Variants in BOC observed in about 807,000 individuals in gnomAD.
The protein encoded by BOC is brother of CDO.
Under a neutral mutation model 112.0 loss-of-function variants are expected in BOC, and 76 were observed. That is an observed-to-expected ratio of 0.68 (90% confidence interval 0.56 to 0.82). The LOEUF is 0.82. Ranked by LOEUF, BOC falls within the 40% of genes least tolerant of loss-of-function variation. BOC has a pLI of 0.00. For missense variants in BOC, 1,309 were observed against 1,511.7 expected (o/e 0.87, Z 2.22); for synonymous variants, 580 against 599.8 (o/e 0.97, Z 0.48).
chr3:113,283,962 G>A (rs1182062768), intron 16 of BOC, among the ~76,000 whole-genome samples: 2 of 152,042 alleles, frequency 1.3e-5, no homozygotes, highest in African/African-American at 4.8e-5. Context: ...GTGCGGAGCT[G>A]CCTTCAGCTT....
chr3:113,234,458 C>T (rs531208825), intron 2 of BOC, among the ~76,000 whole-genome samples: 1 of 152,310 alleles, frequency 6.6e-6, no homozygotes, highest in South Asian at 2.1e-4. Flanking sequence ...GGCTCCCTGC[C>T]TGTTCTTAAT....
chr3:113,269,969 T>G (rs1202400597), intron 5 of BOC: 4 of 152,416 alleles, frequency 2.6e-5, no homozygotes, highest in African/African-American at 9.6e-5. Flanking sequence ...CCACCCGAGT[T>G]GCTGGGGTGT....
rs1449667319 is a variant in BOC at position 113,284,865 on chromosome 3, AG to A, written c.2966+9del. 1 of 1,613,534 alleles carries A rather than the reference AG, an allele frequency of 6.2e-7. No individual in the cohort carries two copies. The highest frequency in any genetic ancestry group is 8.5e-7 in the Non-Finnish European group (1 of 1,179,562). ...AAAGTCACCAGATCACGAGGTAACCAGGCCTCTCCCCTTTCACTCCCAAGCC... is the reference window on the plus strand; with the variant it reads ...AAAGTCACCAGATCACGAGGTAACCAGCCTCTCCCCTTTCACTCCCAAGCC... On this transcript the variant is annotated splice_region_variant and intron_variant, in intron 18 of 19. Transcript: ENST00000682979.
chr3:113,214,616 T>C (rs1938973189), intron 1 of BOC, among the ~76,000 whole-genome samples: 1 of 152,252 alleles, frequency 6.6e-6, no homozygotes, highest in African/African-American at 2.4e-5. Context: ...AAAGATATTA[T>C]ATATTTGGAA....
rs1553737946 is a variant in BOC at position 113,260,721 on chromosome 3, A to ACAGAACAGAACAGAAC, written c.377-7578_377-7577insCAGAACAGAACAGAAC. On this transcript the variant is annotated intron_variant, in intron 4 of 19. Transcript: ENST00000682979. ...ACAGAACAGAACAGAACAGAACAGA[A>ACAGAACAGAACAGAAC]AGAACAGAACAGAACAGAACAGAAC... 5.6e-3 allele frequency among the ~76,000 whole-genome samples: 515 copies of ACAGAACAGAACAGAAC among 92,190 alleles called. 3 individuals carry two copies. Among genetic ancestry groups the ACAGAACAGAACAGAAC allele is most frequent in the African/African-American group, 0.01 (247 of 23,996 alleles). 60.5% of individuals were successfully genotyped at this position (92,190 alleles called of 152,430 possible).
chr3:113,278,127 C>G lies in BOC; in HGVS notation c.1575C>G (p.Ile525Met), dbSNP rs1347523237. Reference protein sequence around the residue: ...QVTNSSDDWTISGIPANQHRL... With the variant: ...QVTNSSDDWTMSGIPANQHRL... ...CAAATTCCTCTGACGATTGGACCATCTCTGGCATTCCAGCCAACCAGCACC... is the reference window on the plus strand; with the variant it reads ...CAAATTCCTCTGACGATTGGACCATGTCTGGCATTCCAGCCAACCAGCACC... The change falls in exon 10 of 20, where the codon ATC becomes ATG. Residue 525 changes from isoleucine (I) to methionine (M), a missense_variant. By Grantham distance (10) the Ile-to-Met change is conservative. Transcript: ENST00000682979. The surrounding 1 kb of genome is among the most constrained non-coding windows in gnomAD (Gnocchi z 4.2). The G allele has an allele frequency of 1.9e-6, 3 of 1,614,128 alleles. No homozygotes were observed. The highest frequency in any genetic ancestry group is 2.5e-6 in the Non-Finnish European group (3 of 1,180,066).
chr3:113,268,088 T>A (rs764989448), intron 4 of BOC, among the ~76,000 whole-genome samples: 40 of 152,178 alleles, frequency 2.6e-4, no homozygotes, highest in Non-Finnish European at 4.0e-4. Context: ...AGCTTGTATA[T>A]ACAAAGTGAA....
Position 113,286,906 on chromosome 3 carries a change from T to A in BOC, c.*44T>A, listed in dbSNP as rs76380714. On this transcript the variant is annotated 3_prime_UTR_variant, in exon 20 of 20. Coordinates refer to ENST00000682979, the MANE Select transcript of BOC (RefSeq NM_001378074.1). ...GAAAGACTATATATTGTTTTTTTTTTAAAAAAAAAAAGAAGAAAAAAGAGA... is the reference window on the plus strand; with the variant it reads ...GAAAGACTATATATTGTTTTTTTTTAAAAAAAAAAAAGAAGAAAAAAGAGA... 64,572 of 1,252,754 alleles carry A rather than the reference T, an allele frequency of 0.052. 926 individuals are homozygous for A. The highest frequency in any genetic ancestry group is 0.058 in the African/African-American group (3,643 of 62,818). 77.6% of individuals were successfully genotyped at this position (1,252,754 alleles called of 1,614,324 possible). A position where few individuals can be genotyped will look rare whatever the true frequency, so the allele number is the denominator to read the frequency against.
intron 4 of BOC, among the ~76,000 whole-genome samples, chr3:113,262,122 A>T (rs1034413766): frequency 2.0e-5 from 3 of 152,198 alleles, no homozygotes; most frequent in Non-Finnish European, 4.4e-5. Context: ...AGCCAAAATT[A>T]TTTGTGCAAT....
intron 4 of BOC, among the ~76,000 whole-genome samples, chr3:113,258,230 T>C (rs1273151214): frequency 6.6e-6 from 1 of 152,126 alleles, no homozygotes; most frequent in Non-Finnish European, 1.5e-5. Flanking sequence ...TAACATTGTG[T>C]ATTCAGACCT....
chr3:113,286,651 G>T, intron 19 of BOC, 24 bp from the exon 20 acceptor site: 2 of 1,525,520 alleles, frequency 1.3e-6, no homozygotes, highest in Admixed American at 2.1e-5. Flanking sequence ...GGATTTTAAT[G>T]GTTCCTACTC....
At chr3:113,232,878 T>A (rs1942848437) in intron 2 of BOC, among the ~76,000 whole-genome samples, 2 of 152,220 alleles carry the variant, frequency 1.3e-5, no homozygotes, top group African/African-American at 4.8e-5. Flanking sequence ...GATCTGTTTT[T>A]CCTTCAGCAT....
At chr3:113,225,159 A>G (rs1941448121) in intron 2 of BOC, among the ~76,000 whole-genome samples, 1 of 152,122 alleles carries the variant, frequency 6.6e-6, no homozygotes, top group Non-Finnish European at 1.5e-5. Context: ...CTGTAATCCC[A>G]GCTACTCAGG....
At chr3:113,266,131 C>T (rs1174660339) in intron 4 of BOC, among the ~76,000 whole-genome samples, 1 of 152,234 alleles carries the variant, frequency 6.6e-6, no homozygotes, top group African/African-American at 2.4e-5. Flanking sequence ...CCTTGACCCG[C>T]AGGCATCATG....
chr3:113,262,912 A>G (rs528791856), intron 4 of BOC, among the ~76,000 whole-genome samples: 1 of 152,282 alleles, frequency 6.6e-6, no homozygotes, highest in South Asian at 2.1e-4. Context: ...CTCAGACTCT[A>G]CAGCCAAGTC....
rs1948439531 is a variant in BOC, at chr3:113,274,267, G to C, written c.1235-108G>C. ...AGTGGGTGGCGGTACAGCTGATGGT[G>C]GGCCCAGGTTGCCTCTCTGTCTTCT... is the stretch of plus-strand genomic sequence containing the variant. On this transcript the variant is annotated intron_variant, in intron 8 of 19. Coordinates refer to ENST00000682979, the MANE Select transcript of BOC (RefSeq NM_001378074.1). This position sits in a 1 kb window ranked among gnomAD's most constrained non-coding sequence, Gnocchi z 4.8. 1.9e-6 allele frequency: 2 copies of C among 1,072,220 alleles called. No individual in the cohort carries two copies. The highest frequency in any genetic ancestry group is 2.6e-6 in the Non-Finnish European group (2 of 775,724). 66.4% of individuals were successfully genotyped at this position (1,072,220 alleles called of 1,614,324 possible). A position where few individuals can be genotyped will look rare whatever the true frequency, so the allele number is the denominator to read the frequency against.
At chr3:113,280,764 A>C in intron 14 of BOC, 101 bp downstream of exon 14, 1 of 1,009,918 alleles carries the variant, frequency 9.9e-7, no homozygotes, top group Admixed American at 1.8e-5. Context: ...ATAAACCTGC[A>C]TCTGGTGTGA....
intron 2 of BOC, among the ~76,000 whole-genome samples, chr3:113,230,818 C>T (rs1942493785): frequency 6.6e-6 from 1 of 152,110 alleles, no homozygotes; most frequent in African/African-American, 2.4e-5. Flanking sequence ...AAAAGGCAAT[C>T]TTTAAATGTT....
chr3:113,233,326 A>T (rs1262405937), intron 2 of BOC, among the ~76,000 whole-genome samples: 1 of 151,990 alleles, frequency 6.6e-6, no homozygotes, highest in Non-Finnish European at 1.5e-5. Flanking sequence ...AGTCATGTGG[A>T]GGGTATAAAT....
Sources: allele counts gnomAD v4.1 joint callset (sites outside exome capture counted in the v4.1 genomes callset), GRCh38; gene constraint gnomAD v4.1.1; non-coding constraint Gnocchi (gnomAD v3.1); transcripts MANE v1.5; gene names NCBI Gene and HGNC (gene_info 2026-07-23, HGNC 2026-07-21).